POU2F1: variants seen among roughly 807,000 people sequenced by gnomAD.
POU2F1 encodes POU domain, class 2, transcription factor 1.
Under a neutral mutation model 84.9 loss-of-function variants are expected in POU2F1, and 16 were observed. The ratio of observed to expected loss-of-function variants is 0.19; its 90% confidence interval spans 0.13 to 0.29. The LOEUF (loss-of-function observed/expected upper bound fraction) is 0.29. POU2F1 is among the 10% of genes least tolerant of loss of function. The pLI is 1.00. For synonymous variants in POU2F1, 368 were observed against 368.3 expected, an observed-to-expected ratio of 1.00 and a Z score of 0.01; for missense variants, 738 against 942.6, an observed-to-expected ratio of 0.78 and a Z score of 2.84.
chr1:167,329,349 A>G, intron 1 of POU2F1: 2 of 1,537,486 alleles, frequency 1.3e-6, no homozygotes, highest in African/African-American at 1.4e-5. Context: ...TTTAATATGG[A>G]AATAGAGTGT....
At chr1:167,336,695 A>C (rs1657477846) in intron 2 of POU2F1, among the ~76,000 whole-genome samples, 2 of 152,236 alleles carry the variant, frequency 1.3e-5, no homozygotes, top group Admixed American at 1.3e-4. Flanking sequence ...ACCAGCAGAC[A>C]TGAAAAACTT....
intron 7 of POU2F1, among the ~76,000 whole-genome samples, chr1:167,381,220 C>G (rs920490550): frequency 6.6e-6 from 1 of 152,034 alleles, no homozygotes; most frequent in Non-Finnish European, 1.5e-5. Context: ...GTAGCTGGGA[C>G]TACAGGCGCA....
intron 9 of POU2F1, among the ~76,000 whole-genome samples, chr1:167,390,356 T>C (rs1648308602): frequency 6.6e-6 from 1 of 152,242 alleles, no homozygotes; most frequent in Admixed American, 6.5e-5. Context: ...CTTTAAAAGA[T>C]TGTATGGAGG....
At chr1:167,397,666 C>A (rs963570997) in intron 10 of POU2F1, among the ~76,000 whole-genome samples, 1 of 152,174 alleles carries the variant, frequency 6.6e-6, no homozygotes, top group East Asian at 1.9e-4. Context: ...CTGCCTCAGC[C>A]TCCCAAGTAA....
chr1:167,327,030 A>G (rs1245398422), intron 1 of POU2F1, among the ~76,000 whole-genome samples: 2 of 152,222 alleles, frequency 1.3e-5, no homozygotes, highest in South Asian at 2.1e-4. Context: ...ATTGCTTTTC[A>G]TCTTTTCTCA....
At chr1:167,360,178 C>T (rs1244294987) in intron 2 of POU2F1, among the ~76,000 whole-genome samples, 1 of 152,036 alleles carries the variant, frequency 6.6e-6, no homozygotes, top group African/African-American at 2.4e-5. Context: ...GTACCTATCT[C>T]CTCAGTCCTG....
intron 13 of POU2F1, among the ~76,000 whole-genome samples, chr1:167,407,309 C>T (rs1398695832): frequency 1.3e-5 from 2 of 152,176 alleles, no homozygotes; most frequent in African/African-American, 4.8e-5. Context: ...GGATTACAGG[C>T]ATGAGCCACC....
At chr1:167,385,298 C>T (rs1647887662) in intron 8 of POU2F1, among the ~76,000 whole-genome samples, 1 of 152,116 alleles carries the variant, frequency 6.6e-6, no homozygotes, top group Admixed American at 6.5e-5. Context: ...TCAACCAATA[C>T]CTAGCAGGCT....
At chr1:167,301,300 A>G (rs1654685427) in intron 1 of POU2F1, among the ~76,000 whole-genome samples, 2 of 152,154 alleles carry the variant, frequency 1.3e-5, no homozygotes, top group Admixed American at 6.5e-5. Context: ...GCATTTTGTA[A>G]CTTTTCACAG....
chr1:167,269,987 ATGG>A (rs999458654), intron 1 of POU2F1, among the ~76,000 whole-genome samples: 5 of 151,894 alleles, frequency 3.3e-5, no homozygotes, highest in Admixed American at 3.3e-4. Context: ...CGTTGAGCTA[ATGG>A]TGGGCAATTT....
Position 167,415,873 on chromosome 1 carries a change from A to G in POU2F1, c.*63A>G, listed in dbSNP as rs1213099749. ...CTGCAGTGTGATTGGACTGCCAGCC[A>G]GGTTAATAAACTGAAAAATGTGATT... On this transcript the variant is annotated 3_prime_UTR_variant, in exon 16 of 16. Coordinates refer to ENST00000367866, the MANE Select transcript of POU2F1 (RefSeq NM_002697.4). The G allele has an allele frequency of 7.4e-7, 1 of 1,358,010 alleles. No homozygotes were observed. The highest frequency in any genetic ancestry group is 9.8e-7 in the Non-Finnish European group (1 of 1,018,974). The allele number at this position is 1,358,010 out of a possible 1,614,324, so 84.1% of individuals were successfully genotyped here. A position where few individuals can be genotyped will look rare whatever the true frequency, so the allele number is the denominator to read the frequency against.
intron 13 of POU2F1, among the ~76,000 whole-genome samples, chr1:167,408,049 C>T (rs1649704556): frequency 6.6e-6 from 1 of 152,096 alleles, no homozygotes. Context: ...ATATAAACAA[C>T]TCAGATTTTT....
Position 167,424,723 on chromosome 1 carries a change from A to G in POU2F1, c.*8913A>G, listed in dbSNP as rs1330421910. The G allele has an allele frequency of 6.6e-6, 1 of 152,200 alleles. No individual in the cohort carries two copies. Among genetic ancestry groups the G allele is most frequent in the Non-Finnish European group, 1.5e-5 (1 of 68,046 alleles). The allele number at this position is 152,200 out of a possible 1,614,324, so 9.4% of individuals were successfully genotyped here. Reference sequence around the variant, plus strand: ...AACTGAGGGCAAATTGCAATCTTCTATTCCTTTTTGTTGCAAGGGGTCTTC... The same window carrying G: ...AACTGAGGGCAAATTGCAATCTTCTGTTCCTTTTTGTTGCAAGGGGTCTTC... On this transcript the variant is annotated 3_prime_UTR_variant, in exon 16 of 16. Transcript: ENST00000367866.
At chr1:167,311,789 T>A (rs1236854237) in intron 1 of POU2F1, among the ~76,000 whole-genome samples, 1 of 150,012 alleles carries the variant, frequency 6.7e-6, no homozygotes, top group Non-Finnish European at 1.5e-5. Context: ...TATTTATTTA[T>A]TTATTTATTT....
chr1:167,402,723 G>T (rs1237833896), intron 13 of POU2F1, among the ~76,000 whole-genome samples: 1 of 152,118 alleles, frequency 6.6e-6, no homozygotes, highest in Non-Finnish European at 1.5e-5. Context: ...TAAGAACCTT[G>T]GTTAAGAATA....
At chr1:167,251,037 A>G (rs1269307080) in intron 1 of POU2F1, among the ~76,000 whole-genome samples, 2 of 152,230 alleles carry the variant, frequency 1.3e-5, no homozygotes, top group African/African-American at 4.8e-5. Context: ...TAACAGTGAA[A>G]TTTTCTTTTT....
At position 167,399,198 on chromosome 1, in the gene POU2F1, A is replaced by C; in HGVS notation, c.1282A>C (p.Thr428Pro). The change falls in exon 12 of 16, where the codon ACC becomes CCC. Residue 428 changes from threonine to proline, a missense_variant. By Grantham distance (38) the Thr-to-Pro change is conservative (BLOSUM62 -1). Transcript: ENST00000367866. ...TTTCACCCTGCAGAATCAAAAGCCT[A>C]CCTCGGAAGAGATCACTATGATTGC... ...EKSFLENQKP[T>P]SEEITMIADQ... 1 of 1,601,890 alleles carries C rather than the reference A, an allele frequency of 6.2e-7. No individual in the cohort carries two copies. The highest frequency in any genetic ancestry group is 8.5e-7 in the Non-Finnish European group (1 of 1,173,588).
intron 13 of POU2F1, among the ~76,000 whole-genome samples, chr1:167,407,266 G>C (rs1015592618): frequency 1.3e-5 from 2 of 152,096 alleles, no homozygotes; most frequent in African/African-American, 4.8e-5. Context: ...CTGGGCTCAA[G>C]CAATTCACCC....
chr1:167,304,106 AC>A (rs1654892754), intron 1 of POU2F1, among the ~76,000 whole-genome samples: 1 of 151,982 alleles, frequency 6.6e-6, no homozygotes, highest in African/African-American at 2.4e-5. Flanking sequence ...TCTACATCTG[AC>A]TCCTAGTCTA....
Sources: gnomAD v4.1 joint callset for allele counts (sites outside exome capture counted in the v4.1 genomes callset) on GRCh38, gnomAD v4.1.1 for gene constraint, MANE v1.5 for transcripts, NCBI Gene and HGNC (gene_info 2026-07-23, HGNC 2026-07-21) for gene names.